Variants in CBFA2T2 observed in about 807,000 individuals in gnomAD.
CBFA2T2 encodes protein CBFA2T2.
A neutral mutation model predicts 62.2 loss-of-function variants in CBFA2T2; 11 were observed. The ratio of observed to expected loss-of-function variants is 0.18; its 90% CI spans 0.11 to 0.29. The LOEUF (loss-of-function observed/expected upper bound fraction) is 0.29. Ranked by LOEUF, CBFA2T2 falls within the 10% of genes least tolerant of loss-of-function variation. CBFA2T2 has a pLI of 1.00. For missense variants in CBFA2T2, 592 were observed against 774.1 expected (o/e 0.76, Z 2.79); for synonymous variants, 295 against 287.5 (o/e 1.03, Z -0.27).
At position 33,644,759 on chromosome 20, in the gene CBFA2T2, T is replaced by C. The variant is rs542061206; in HGVS notation, c.*113T>C. 1.3e-5 allele frequency: 15 copies of C among 1,172,354 alleles called. No individual in the cohort carries two copies. The East Asian group carries it at 3.3e-4, about 26-fold the overall frequency. The allele number at this position is 1,172,354 out of a possible 1,614,324, so 72.6% of individuals were successfully genotyped here. ...TGCCGGGTCATCAGCAAGAAATGAA[T>C]TGGAGGCAGGAAGAGTCCAAGCCTG... is the stretch of plus-strand genomic sequence containing the variant. On this transcript the variant is annotated 3_prime_UTR_variant, in exon 11 of 11. Transcript: ENST00000342704.
intron 1 of CBFA2T2, among the ~76,000 whole-genome samples, chr20:33,504,905 ACT>A (rs2011374922): frequency 6.6e-6 from 1 of 151,894 alleles, no homozygotes; most frequent in Non-Finnish European, 1.5e-5. Context: ...TGAAAGGAAT[ACT>A]CTCTGTTACT....
Position 33,611,236 on chromosome 20 carries a change from C to G in CBFA2T2, c.321C>G (p.Leu107=), listed in dbSNP as rs760400972. The change falls in exon 3 of 11, where the codon CTC becomes CTG. Residue 107 remains leucine (L), a synonymous_variant. Transcript: ENST00000342704. The part of the protein sequence containing the change: ...QLPATCGARQ[L]SKLKRFLTTL... The stretch of plus-strand genomic sequence containing the variant: ...CAGCCACTTGTGGTGCTCGACAACT[C>G]AGCAAGTTGAAACGCTTTCTTACCA... The G allele has an allele frequency of 1.9e-6, 3 of 1,614,176 alleles. No individual in the cohort carries two copies. The highest frequency in any genetic ancestry group is 3.3e-4 in the Middle Eastern group (2 of 6,062).
At chr20:33,632,075 G>T (rs2016474586) in intron 8 of CBFA2T2, among the ~76,000 whole-genome samples, 1 of 152,154 alleles carries the variant, frequency 6.6e-6, no homozygotes, top group African/African-American at 2.4e-5. Flanking sequence ...TTTTGAAATG[G>T]AGTCTTGCTC....
chr20:33,632,804 G>C (rs2016501058), intron 8 of CBFA2T2, among the ~76,000 whole-genome samples: 1 of 151,996 alleles, frequency 6.6e-6, no homozygotes, highest in South Asian at 2.1e-4. Context: ...AGTCTTGTCT[G>C]TCACCCAGGC....
At chr20:33,550,122 A>C (rs2012697598) in intron 1 of CBFA2T2, among the ~76,000 whole-genome samples, 1 of 152,172 alleles carries the variant, frequency 6.6e-6, no homozygotes, top group Non-Finnish European at 1.5e-5. Context: ...AACGTTCTAC[A>C]TTGTCTTTGC....
At chr20:33,534,334 T>C (rs56348795) in intron 1 of CBFA2T2, among the ~76,000 whole-genome samples, 22,411 of 152,170 alleles carry the variant, frequency 0.15, 2,073 homozygotes, top group East Asian at 0.4. Context: ...TTTTGTTTGT[T>C]TGTTTGAGAC....
intron 1 of CBFA2T2, among the ~76,000 whole-genome samples, chr20:33,520,784 G>T (rs891160545): frequency 6.6e-6 from 1 of 151,978 alleles, no homozygotes; most frequent in Non-Finnish European, 1.5e-5. Context: ...ATGAAAAAAA[G>T]AAATATCTTA....
chr20:33,579,104 G>GTTTT (rs1568830356), intron 1 of CBFA2T2, among the ~76,000 whole-genome samples: 5 of 148,010 alleles, frequency 3.4e-5, no homozygotes, highest in Admixed American at 2.8e-4. Flanking sequence ...TTTTTTTGGG[G>GTTTT]GTTTTTTTTT....
intron 10 of CBFA2T2, among the ~76,000 whole-genome samples, chr20:33,642,166 A>C (rs2016883684): frequency 7.5e-6 from 1 of 134,000 alleles, no homozygotes; most frequent in African/African-American, 2.7e-5. Context: ...GTGTGTGTGG[A>C]TAACAGGGTC....
intron 1 of CBFA2T2, among the ~76,000 whole-genome samples, chr20:33,517,696 T>C (rs1171424822): frequency 6.6e-6 from 1 of 151,576 alleles, no homozygotes; most frequent in Non-Finnish European, 1.5e-5. Context: ...TGCCTTTTTT[T>C]TTTTTTTTGA....
chr20:33,633,431 G>A (rs2016526618), intron 8 of CBFA2T2, among the ~76,000 whole-genome samples: 1 of 152,120 alleles, frequency 6.6e-6, no homozygotes, highest in East Asian at 1.9e-4. Context: ...GAAATCCATG[G>A]TGTGGATAGT....
At chr20:33,519,555 T>C (rs2011673663) in intron 1 of CBFA2T2, among the ~76,000 whole-genome samples, 1 of 152,288 alleles carries the variant, frequency 6.6e-6, no homozygotes, top group African/African-American at 2.4e-5. Flanking sequence ...CGTAAGAGAC[T>C]TGAGCATTGG....
At chr20:33,609,447 A>G (rs761760184) in intron 2 of CBFA2T2, among the ~76,000 whole-genome samples, 1 of 152,178 alleles carries the variant, frequency 6.6e-6, no homozygotes, top group Non-Finnish European at 1.5e-5. Flanking sequence ...GGTTGCAGTA[A>G]GCTGAGATTA....
chr20:33,502,409 C>CT (rs1424529783), intron 1 of CBFA2T2, among the ~76,000 whole-genome samples: 1 of 148,076 alleles, frequency 6.8e-6, no homozygotes, highest in Non-Finnish European at 1.5e-5. Context: ...TTTTTTTTTT[C>CT]TTTTTTTTCG....
At chr20:33,591,910 C>T (rs1346645371) in intron 1 of CBFA2T2, among the ~76,000 whole-genome samples, 2 of 152,046 alleles carry the variant, frequency 1.3e-5, no homozygotes, top group Non-Finnish European at 2.9e-5. Context: ...CATGCTGTCT[C>T]CATTTCCAAA....
Position 33,539,234 on chromosome 20 carries a change from A to C in CBFA2T2, c.34+48933A>C, listed in dbSNP as rs193206141. ...GAAGAGAGTAACACAAGAACTTTAC[A>C]ATATGTCATGTGAATTGAAAGAGAG... On this transcript the variant is annotated intron_variant, in intron 1 of 10. Transcript: ENST00000342704. Among the ~76,000 whole-genome samples the C allele has an allele frequency of 5.3e-5, 8 of 152,340 alleles. No individual in the cohort carries two copies. The East Asian group carries it at 1.5e-3, about 29-fold the overall frequency.
chr20:33,509,896 G>A lies in CBFA2T2; in HGVS notation c.34+19595G>A, dbSNP rs1394268567. ...GCAGTTTTGTTACATAGGTATACATGTGCCATGTTGGTTTGCTGCACCCAT... is the reference window on the plus strand; with the variant it reads ...GCAGTTTTGTTACATAGGTATACATATGCCATGTTGGTTTGCTGCACCCAT... On this transcript the variant is annotated intron_variant, in intron 1 of 10. Coordinates refer to ENST00000342704, the MANE Select transcript of CBFA2T2 (RefSeq NM_001032999.3). 2.0e-5 allele frequency among the ~76,000 whole-genome samples: 3 copies of A among 150,958 alleles called. No individual in the cohort carries two copies. In the South Asian group the frequency reaches 6.3e-4, roughly 32 times the overall value.
At chr20:33,569,869 T>C (rs1281534544) in intron 1 of CBFA2T2, among the ~76,000 whole-genome samples, 2 of 152,236 alleles carry the variant, frequency 1.3e-5, no homozygotes, top group African/African-American at 4.8e-5. Flanking sequence ...TTTGGCTTTC[T>C]TTCTTTATAT....
At chr20:33,513,640 C>T (rs1356906393) in intron 1 of CBFA2T2, among the ~76,000 whole-genome samples, 3 of 150,926 alleles carry the variant, frequency 2.0e-5, no homozygotes, top group Non-Finnish European at 3.0e-5. Context: ...GGATTACAGG[C>T]GTGAGCCACC....
Sources: gnomAD v4.1 joint callset for allele counts (sites outside exome capture counted in the v4.1 genomes callset) on GRCh38, gnomAD v4.1.1 for gene constraint, MANE v1.5 for transcripts, NCBI Gene and HGNC (gene_info 2026-07-23, HGNC 2026-07-21) for gene names.